The following PCDHGA4 variants were observed in gnomAD, a reference collection of about 807,000 sequenced individuals.
PCDHGA4 encodes protocadherin gamma-A4.
A neutral mutation model predicts 54.6 loss-of-function variants in PCDHGA4; 38 were observed. That is an observed-to-expected ratio of 0.70 (90% CI 0.54 to 0.91). The LOEUF is 0.91. PCDHGA4 is among the 40% of genes least tolerant of loss of function. PCDHGA4 has a pLI of 0.00. For synonymous variants in PCDHGA4, 511 were observed against 512.9 expected, an observed-to-expected ratio of 1.00 and a Z score of 0.05; for missense variants, 1,298 against 1,220.9, an observed-to-expected ratio of 1.06 and a Z score of -0.94.
At chr5:141,445,148 C>T (rs1051995635) in intron 1 of PCDHGA4, among the ~76,000 whole-genome samples, 3 of 152,092 alleles carry the variant, frequency 2.0e-5, no homozygotes, top group Non-Finnish European at 4.4e-5. Context: ...TCTAATTGTT[C>T]ATTTCTAGTT....
At chr5:141,429,388 A>T (rs6890453) in intron 1 of PCDHGA4, among the ~76,000 whole-genome samples, 24,714 of 140,916 alleles carry the variant, frequency 0.18, 2,276 homozygotes, top group African/African-American at 0.28. Flanking sequence ...TTTTTTTTTT[A>T]AAAAAAATTG....
chr5:141,388,016 C>T lies in PCDHGA4; in HGVS notation c.2514+30395C>T, dbSNP rs1026420398. Reference sequence around the variant, plus strand: ...GGATTCCCGAGGAAATGCCCAAGGGCTCCGTAGTGGGGAACCTCGCCACGG... The same window carrying T: ...GGATTCCCGAGGAAATGCCCAAGGGTTCCGTAGTGGGGAACCTCGCCACGG... On this transcript the variant is annotated intron_variant, in intron 1 of 3. Coordinates refer to ENST00000571252, the MANE Select transcript of PCDHGA4 (RefSeq NM_018917.4). 4.1e-6 allele frequency: 6 copies of T among 1,465,422 alleles called. No individual in the cohort carries two copies. In the African/African-American group the frequency reaches 7.1e-5, roughly 17 times the overall value. The allele number at this position is 1,465,422 out of a possible 1,614,324, so 90.8% of individuals were successfully genotyped here.
intron 2 of PCDHGA4, 164 bp downstream of exon 2, chr5:141,495,029 G>A: frequency 2.1e-6 from 2 of 968,864 alleles, no homozygotes; most frequent in Non-Finnish European, 2.5e-6. Flanking sequence ...ACAGACCCCG[G>A]AAGGAAGAGG....
At chr5:141,397,495 A>T (rs1346259397) in intron 1 of PCDHGA4, among the ~76,000 whole-genome samples, 2 of 152,226 alleles carry the variant, frequency 1.3e-5, no homozygotes, top group Non-Finnish European at 2.9e-5. Flanking sequence ...GAACAGAAGA[A>T]TGATAAAATT....
At chr5:141,507,429 G>C (rs1191174823) in intron 3 of PCDHGA4, 3 of 152,238 alleles carry the variant, frequency 2.0e-5, no homozygotes, top group African/African-American at 7.2e-5. Flanking sequence ...AGTGGGGCCA[G>C]GCCTACAGCT....
intron 1 of PCDHGA4, chr5:141,413,476 G>A: frequency 6.2e-7 from 1 of 1,614,122 alleles, no homozygotes; most frequent in Non-Finnish European, 8.5e-7. Context: ...GGAGCTCTGC[G>A]CTCAGAGCGC....
At position 141,486,883 on chromosome 5, in the gene PCDHGA4, C is replaced by G. The variant is rs1234866888; in HGVS notation, c.2515-7924C>G. The G allele has an allele frequency of 1.2e-6, 2 of 1,614,214 alleles. No individual in the cohort carries two copies. ...CTCCAGCTGTGCTCCGTCCTCGGGC[C>G]CGGCCTGGTTCCTTATGTCCCCAAG... On this transcript the variant is annotated intron_variant, in intron 1 of 3. Coordinates refer to ENST00000571252, the MANE Select transcript of PCDHGA4 (RefSeq NM_018917.4). The surrounding 1 kb of genome is among the most constrained non-coding windows in gnomAD (Gnocchi z 5.0).
Position 141,485,448 on chromosome 5 carries a change from G to A in PCDHGA4, c.2515-9359G>A. On this transcript the variant is annotated intron_variant, in intron 1 of 3. Coordinates refer to ENST00000571252, the MANE Select transcript of PCDHGA4 (RefSeq NM_018917.4). This position sits in a 1 kb window ranked among gnomAD's most constrained non-coding sequence, Gnocchi z 5.7. ...CTGCTCATCAAGAACCCAATCGACC[G>A]AGAGGCACTGTGTGGGCTCAGTGCC... is the stretch of plus-strand genomic sequence containing the variant. 1 of 1,614,154 alleles carries A rather than the reference G, an allele frequency of 6.2e-7. No homozygotes were observed.
rs1760414253 is a variant in PCDHGA4, at chr5:141,356,974, G to A, written c.1867G>A (p.Val623Met). 1.5e-5 allele frequency: 25 copies of A among 1,614,240 alleles called. No individual in the cohort carries two copies. The highest frequency in any genetic ancestry group is 2.1e-5 in the Non-Finnish European group (25 of 1,180,036). ...TTCCGGCTACCTGGTGACCAAAGTGGTGGCAGTGGACAGAGACTCAGGTCA... is the reference window on the plus strand; with the variant it reads ...TTCCGGCTACCTGGTGACCAAAGTGATGGCAGTGGACAGAGACTCAGGTCA... Reference protein sequence around the residue: ...ADSGYLVTKVVAVDRDSGQNA... With the variant: ...ADSGYLVTKVMAVDRDSGQNA... The change falls in exon 1 of 4, where the codon GTG becomes ATG. Residue 623 changes from valine (V) to methionine (M), a missense_variant. Coordinates refer to ENST00000571252, the MANE Select transcript of PCDHGA4 (RefSeq NM_018917.4).
intron 1 of PCDHGA4, among the ~76,000 whole-genome samples, chr5:141,437,629 G>A (rs538730617): frequency 6.6e-6 from 1 of 152,284 alleles, no homozygotes; most frequent in Non-Finnish European, 1.5e-5. Flanking sequence ...CATATAAGAT[G>A]TCAGGTTCAG....
At chr5:141,418,124 C>G (rs762154093) in intron 1 of PCDHGA4, 1 of 1,613,836 alleles carries the variant, frequency 6.2e-7, no homozygotes, top group African/African-American at 1.3e-5. Context: ...TGTGAAGGAC[C>G]GAATAGACCG....
intron 1 of PCDHGA4, chr5:141,422,357 C>G: frequency 6.4e-7 from 1 of 1,557,656 alleles, no homozygotes; most frequent in African/African-American, 1.4e-5. Flanking sequence ...GATCAAGATT[C>G]TGGAGAAAAT....
At chr5:141,370,234 A>G (rs1034949073) in intron 1 of PCDHGA4, 24 of 600,046 alleles carry the variant, frequency 4.0e-5, no homozygotes, top group African/African-American at 3.2e-4. Flanking sequence ...CCAGCTCGGA[A>G]GAAAAGTGCA....
At chr5:141,472,332 G>A (rs566731120) in intron 1 of PCDHGA4, among the ~76,000 whole-genome samples, 1 of 152,116 alleles carries the variant, frequency 6.6e-6, no homozygotes, top group East Asian at 1.9e-4. Flanking sequence ...ACGAGGTTGG[G>A]AGATCGAGAC....
In PCDHGA4 at chr5:141,389,898, GA is replaced by G. The variant is rs916636012; in HGVS notation, c.2514+32278del. ...CGACAGCTTGCAGGAGGTGCTGCCGGATATCACTGACCGCCCCGACCCCTCT... is the reference window on the plus strand; with the variant it reads ...CGACAGCTTGCAGGAGGTGCTGCCGGTATCACTGACCGCCCCGACCCCTCT... On this transcript the variant is annotated intron_variant, in intron 1 of 3. Coordinates refer to ENST00000571252, the MANE Select transcript of PCDHGA4 (RefSeq NM_018917.4). 3.1e-6 allele frequency: 5 copies of G among 1,613,952 alleles called. No homozygotes were observed. In the African/African-American group the frequency reaches 5.3e-5, roughly 17 times the overall value.
intron 1 of PCDHGA4, chr5:141,400,341 C>A (rs754175136): frequency 6.2e-7 from 1 of 1,614,070 alleles, no homozygotes; most frequent in African/African-American, 1.3e-5. Flanking sequence ...TTCCCCCCAA[C>A]TACAGTCAGG....
intron 1 of PCDHGA4, chr5:141,413,798 AAG>A (rs914638812): frequency 2.7e-5 from 44 of 1,613,066 alleles, no homozygotes; most frequent in Non-Finnish European, 3.5e-5. Context: ...GATCGCGAGG[AAG>A]AGGCCATTCA....
intron 1 of PCDHGA4, among the ~76,000 whole-genome samples, chr5:141,483,631 T>C (rs973545851): frequency 2.7e-5 from 4 of 149,022 alleles, no homozygotes; most frequent in African/African-American, 1.0e-4. Flanking sequence ...TGGGAGAAGG[T>C]ATAGAGGGGT....
At chr5:141,369,226 G>A (rs1028209484) in intron 1 of PCDHGA4, among the ~76,000 whole-genome samples, 2 of 152,058 alleles carry the variant, frequency 1.3e-5, no homozygotes, top group African/African-American at 4.8e-5. Context: ...AAAGTGGACA[G>A]GAAGATTACT....
Sources: gnomAD v4.1 joint callset for allele counts (sites outside exome capture counted in the v4.1 genomes callset) on GRCh38, gnomAD v4.1.1 for gene constraint, Gnocchi (gnomAD v3.1) non-coding constraint, MANE v1.5 for transcripts, NCBI Gene and HGNC (gene_info 2026-07-23, HGNC 2026-07-21) for gene names.